The following RNGTT variants were observed in gnomAD, a reference collection of about 807,000 sequenced individuals.
The protein encoded by RNGTT is mRNA-capping enzyme.
A neutral mutation model predicts 79.3 loss-of-function variants in RNGTT; 33 were observed. The observed-to-expected ratio is 0.42, with a 90% CI of 0.32 to 0.56. The LOEUF (loss-of-function observed/expected upper bound fraction) is 0.56. Among genes scored for constraint, RNGTT ranks in the 20% least tolerant of loss-of-function variants. RNGTT has a pLI of 0.17. For missense variants in RNGTT, 497 were observed against 739.1 expected, an observed-to-expected ratio of 0.67 and a Z score of 3.80; for synonymous variants, 222 against 235.9, an observed-to-expected ratio of 0.94 and a Z score of 0.54.
rs1294769036 is a variant in RNGTT at position 88,769,847 on chromosome 6, TATC to T, written c.1363_1365del (p.Asp455del). ...AGACTGGGAGGCTTCCATTTCAAAA[TATC>T]ATCACATCGACCAGGTTTGTATTTC... On this transcript the variant is annotated inframe_deletion, in exon 13 of 16. Coordinates refer to ENST00000369485, the MANE Select transcript of RNGTT (RefSeq NM_003800.5). 6.2e-7 allele frequency: 1 copy of T among 1,611,424 alleles called. No homozygotes were observed. Among genetic ancestry groups the T allele is most frequent in the Non-Finnish European group, 8.5e-7 (1 of 1,178,306 alleles).
intron 6 of RNGTT, among the ~76,000 whole-genome samples, chr6:88,897,535 T>A (rs1173933432): frequency 1.3e-5 from 2 of 152,212 alleles, no homozygotes; most frequent in Non-Finnish European, 2.9e-5. Context: ...TATGCTTGAA[T>A]TTATCCCATA....
chr6:88,701,139 AAAG>A (rs900248185), intron 13 of RNGTT, among the ~76,000 whole-genome samples: 14 of 152,044 alleles, frequency 9.2e-5, no homozygotes, highest in South Asian at 4.2e-4. Context: ...AAGAAAGAAT[AAAG>A]AAGAAGAAGA....
At chr6:88,741,784 TA>T (rs1468712712) in intron 13 of RNGTT, among the ~76,000 whole-genome samples, 2 of 152,088 alleles carry the variant, frequency 1.3e-5, no homozygotes, top group Non-Finnish European at 2.9e-5. Flanking sequence ...GGGTAATGGG[TA>T]GGGGGCAGAC....
intron 12 of RNGTT, among the ~76,000 whole-genome samples, chr6:88,780,030 AT>A (rs1779013091): frequency 6.7e-6 from 1 of 148,168 alleles, no homozygotes; most frequent in Non-Finnish European, 1.5e-5. Context: ...AGAAAATGGT[AT>A]TTTAAGAATA....
chr6:88,624,664 G>C (rs759074051), intron 14 of RNGTT, among the ~76,000 whole-genome samples: 11 of 151,832 alleles, frequency 7.2e-5, no homozygotes, highest in Non-Finnish European at 1.6e-4. Flanking sequence ...GTGACCTAGG[G>C]TTAGGCAAAA....
chr6:88,727,002 T>TGG (rs71554793), intron 13 of RNGTT, among the ~76,000 whole-genome samples: 2 of 143,208 alleles, frequency 1.4e-5, no homozygotes, highest in South Asian at 2.3e-4. Flanking sequence ...AAAAAAGGGG[T>TGG]GGGGGGGGAG....
At chr6:88,830,933 G>A (rs1168260860) in intron 11 of RNGTT, among the ~76,000 whole-genome samples, 1 of 152,184 alleles carries the variant, frequency 6.6e-6, no homozygotes, top group African/African-American at 2.4e-5. Flanking sequence ...TTCTGAAACT[G>A]AGGCAGTAAT....
intron 13 of RNGTT, among the ~76,000 whole-genome samples, chr6:88,708,403 G>A (rs759860022): frequency 5.9e-5 from 9 of 152,070 alleles, no homozygotes; most frequent in Non-Finnish European, 7.3e-5. Context: ...CTGAACTTCA[G>A]AAAATGTATC....
At chr6:88,795,539 T>A (rs1459056656) in intron 12 of RNGTT, among the ~76,000 whole-genome samples, 1 of 150,702 alleles carries the variant, frequency 6.6e-6, no homozygotes, top group Non-Finnish European at 1.5e-5. Context: ...TTGTGGGGGG[T>A]TGGGGGCTAG....
At chr6:88,742,226 T>C (rs1316103123) in intron 13 of RNGTT, among the ~76,000 whole-genome samples, 2 of 152,154 alleles carry the variant, frequency 1.3e-5, no homozygotes, top group Non-Finnish European at 2.9e-5. Context: ...GTTGAGCATT[T>C]ACCTTCCAAA....
chr6:88,772,706 A>G (rs1467396954), intron 12 of RNGTT, among the ~76,000 whole-genome samples: 2 of 152,326 alleles, frequency 1.3e-5, no homozygotes, highest in South Asian at 4.1e-4. Flanking sequence ...GCAGCCAAAA[A>G]ACACATGAAA....
intron 14 of RNGTT, among the ~76,000 whole-genome samples, chr6:88,631,152 C>G (rs1431489378): frequency 6.6e-6 from 1 of 152,190 alleles, no homozygotes; most frequent in African/African-American, 2.4e-5. Flanking sequence ...GATGGCCACA[C>G]AGTTCTGTGC....
chr6:88,618,965 C>G (rs1414921541), intron 14 of RNGTT, among the ~76,000 whole-genome samples: 1 of 152,032 alleles, frequency 6.6e-6, no homozygotes, highest in Non-Finnish European at 1.5e-5. Context: ...TCCCTTCTCC[C>G]CTATTTATTC....
At chr6:88,679,779 A>C (rs1775018655) in intron 13 of RNGTT, among the ~76,000 whole-genome samples, 1 of 152,228 alleles carries the variant, frequency 6.6e-6, no homozygotes, top group African/African-American at 2.4e-5. Context: ...TCTTGTGTTT[A>C]ACTGACCTAA....
intron 13 of RNGTT, among the ~76,000 whole-genome samples, chr6:88,738,865 CACA>C (rs1562226717): frequency 2.0e-5 from 3 of 151,722 alleles, no homozygotes; most frequent in African/African-American, 7.3e-5. Flanking sequence ...CACACACACA[CACA>C]CCCCTTCCAA....
At chr6:88,696,750 T>G (rs1021036088) in intron 13 of RNGTT, among the ~76,000 whole-genome samples, 2 of 152,180 alleles carry the variant, frequency 1.3e-5, no homozygotes, top group South Asian at 4.1e-4. Context: ...AAGAGTTTCT[T>G]TTTTTATACT....
intron 14 of RNGTT, among the ~76,000 whole-genome samples, chr6:88,673,508 C>T (rs1031289684): frequency 2.0e-5 from 3 of 151,970 alleles, no homozygotes; most frequent in African/African-American, 7.3e-5. Flanking sequence ...TTTGGTGGAG[C>T]CATAGGAATT....
chr6:88,915,344 T>A lies in RNGTT; in HGVS notation c.368-8904A>T, dbSNP rs180949836. Among the ~76,000 whole-genome samples the A allele has an allele frequency of 2.4e-3, 366 of 152,264 alleles. 3 individuals carry two copies. Among genetic ancestry groups the A allele is most frequent in the Middle Eastern group, 0.01 (3 of 294 alleles). Reference sequence around the variant, plus strand: ...ATGTTTACCACAGCACTATTTACAATAGCAAAGACATGGAATTAACCTAGG... The same window carrying A: ...ATGTTTACCACAGCACTATTTACAAAAGCAAAGACATGGAATTAACCTAGG... On this transcript the variant is annotated intron_variant, in intron 4 of 15. Transcript: ENST00000369485.
At chr6:88,838,228 A>T (rs1317400525) in intron 11 of RNGTT, among the ~76,000 whole-genome samples, 1 of 152,164 alleles carries the variant, frequency 6.6e-6, no homozygotes, top group Non-Finnish European at 1.5e-5. Context: ...GTTCACTCTC[A>T]CTGCTTCCAT....
Sources: gnomAD v4.1 joint callset for allele counts (sites outside exome capture counted in the v4.1 genomes callset) on GRCh38, gnomAD v4.1.1 for gene constraint, MANE v1.5 for transcripts, NCBI Gene and HGNC (gene_info 2026-07-23, HGNC 2026-07-21) for gene names.